Variants in CLDN16 observed in about 807,000 individuals in gnomAD.
CLDN16 encodes claudin-16.
CLDN16 carries 13 observed loss-of-function variants against 24.6 expected under a neutral mutation model. The ratio of observed to expected loss-of-function variants is 0.53; its 90% CI spans 0.34 to 0.84. The LOEUF (loss-of-function observed/expected upper bound fraction) is 0.84. Ranked by LOEUF, CLDN16 falls within the 40% of genes least tolerant of loss-of-function variation. The pLI is 0.01. For missense variants in CLDN16, 298 were observed against 292.7 expected, an observed-to-expected ratio of 1.02 and a Z score of -0.13; for synonymous variants, 116 against 106.7, an observed-to-expected ratio of 1.09 and a Z score of -0.54.
rs1577395706 is a variant in CLDN16 at position 190,326,355 on chromosome 3, A to G, written n.121+3694A>G. On this transcript the variant is annotated intron_variant and non_coding_transcript_variant, in intron 1 of 4. Coordinates refer to the CLDN16 transcript ENST00000468220. ...CTGTTACAGTCCCACTGAATGTCAT[A>G]GTTAAATCGTAGTGAAAAGATACGC... Among the ~76,000 whole-genome samples the G allele has an allele frequency of 2.6e-5, 4 of 152,330 alleles. No individual in the cohort carries two copies. In the South Asian group the frequency reaches 6.2e-4, roughly 24 times the overall value.
intron 1 of CLDN16, among the ~76,000 whole-genome samples, chr3:190,346,636 T>C (rs1717555913): frequency 6.6e-6 from 1 of 152,172 alleles, no homozygotes; most frequent in Non-Finnish European, 1.5e-5. Context: ...TCTCTCATTT[T>C]TCTGGAGCCC....
chr3:190,400,715 G>A (rs1218971793), intron 1 of CLDN16, among the ~76,000 whole-genome samples: 2 of 151,394 alleles, frequency 1.3e-5, no homozygotes, highest in African/African-American at 4.9e-5. Context: ...TTTACCCATT[G>A]CTCTGTGGTT....
the CLDN16 span, chr3:190,308,497 A>G: frequency 4.0e-6 from 6 of 1,516,578 alleles, no homozygotes; most frequent in Admixed American, 1.8e-5. Context: ...CTTTTCTAAT[A>G]TAATAAAAGG....
chr3:190,407,238 A>G (rs547837824), intron 3 of CLDN16, among the ~76,000 whole-genome samples: 44 of 152,284 alleles, frequency 2.9e-4, no homozygotes, highest in Non-Finnish European at 6.2e-4. Flanking sequence ...CTGGAAAGTA[A>G]TCTGAAGAGA....
chr3:190,383,870 T>C (rs1220561595), upstream of CLDN16, among the ~76,000 whole-genome samples: 3 of 152,242 alleles, frequency 2.0e-5, no homozygotes, highest in Non-Finnish European at 4.4e-5. Context: ...AGCAAACTTA[T>C]AAAAATCATA....
At chr3:190,353,833 A>G (rs1717715137) in intron 1 of CLDN16, among the ~76,000 whole-genome samples, 1 of 151,972 alleles carries the variant, frequency 6.6e-6, no homozygotes, top group Non-Finnish European at 1.5e-5. Context: ...CCTTCAACTC[A>G]TGGTTTCTGT....
chr3:190,326,989 C>G (rs1402034048), intron 1 of CLDN16, among the ~76,000 whole-genome samples: 2 of 152,062 alleles, frequency 1.3e-5, no homozygotes, highest in African/African-American at 4.8e-5. Flanking sequence ...ATGACACTAG[C>G]TTTATTAGTG....
intron 3 of CLDN16, 129 bp downstream of exon 3, chr3:190,405,055 T>A: frequency 1.1e-6 from 1 of 892,500 alleles, no homozygotes; most frequent in Non-Finnish European, 1.8e-6. Flanking sequence ...ATTGAAAAAC[T>A]AAAGGTCACT....
intron 3 of CLDN16, among the ~76,000 whole-genome samples, chr3:190,376,427 C>T (rs1212137713): frequency 6.6e-6 from 1 of 151,626 alleles, no homozygotes; most frequent in Non-Finnish European, 1.5e-5. Flanking sequence ...GAGCTGAGAA[C>T]TTGGTGGGAG....
chr3:190,298,454 CTT>C, the CLDN16 span, among the ~76,000 whole-genome samples: 1 of 139,750 alleles, frequency 7.2e-6, no homozygotes, highest in Non-Finnish European at 1.5e-5. Context: ...CTGGGAGTTG[CTT>C]TTTTTTTTTT....
Position 190,388,488 on chromosome 3 carries a change from T to C in CLDN16, c.114+45T>C, listed in dbSNP as rs563081774. The C allele has an allele frequency of 2.9e-5, 45 of 1,571,194 alleles. No homozygotes were observed. The South Asian group carries it at 4.9e-4, about 17-fold the overall frequency. On this transcript the variant is annotated intron_variant, in intron 1 of 4. Transcript: ENST00000264734. Reference sequence around the variant, plus strand: ...TTTTCATGATCCAGGCCAGCCCAAATTTTCGCTAAGTCCCAACTGCCATGT... The same window carrying C: ...TTTTCATGATCCAGGCCAGCCCAAACTTTCGCTAAGTCCCAACTGCCATGT...
rs559625032 is a variant in CLDN16 at position 190,330,046 on chromosome 3, C to A, written n.121+7385C>A. On this transcript the variant is annotated intron_variant and non_coding_transcript_variant, in intron 1 of 4. Transcript: ENST00000468220. ...AGAAATATCTCAACCGTCCCCCCTCCACCAGCATCACTTAATCATATACAT... is the reference window on the plus strand; with the variant it reads ...AGAAATATCTCAACCGTCCCCCCTCAACCAGCATCACTTAATCATATACAT... 1.5e-3 allele frequency among the ~76,000 whole-genome samples: 210 copies of A among 141,892 alleles called. 1 individual carries two copies. The highest frequency in any genetic ancestry group is 4.0e-3 in the African/African-American group (162 of 40,060). The allele number at this position is 141,892 out of a possible 152,430, so 93.1% of individuals were successfully genotyped here. A position where few individuals can be genotyped will look rare whatever the true frequency, so the allele number is the denominator to read the frequency against.
chr3:190,401,845 C>A (rs1054210812), intron 1 of CLDN16, among the ~76,000 whole-genome samples: 1 of 151,700 alleles, frequency 6.6e-6, no homozygotes, highest in African/African-American at 2.4e-5. Context: ...TATTTATAAA[C>A]TTCATATATA....
At chr3:190,403,771 T>C (rs969606475) in intron 2 of CLDN16, among the ~76,000 whole-genome samples, 1 of 152,192 alleles carries the variant, frequency 6.6e-6, no homozygotes, top group Non-Finnish European at 1.5e-5. Flanking sequence ...TTAAAAAGGA[T>C]TTTCTTAATT....
At chr3:190,302,778 A>G in the CLDN16 span, among the ~76,000 whole-genome samples, 1 of 115,220 alleles carries the variant, frequency 8.7e-6, no homozygotes, top group Middle Eastern at 4.6e-3. Flanking sequence ...TCTCAAAAAA[A>G]AATATATATA....
At chr3:190,405,061 T>C (rs368435777) in intron 3 of CLDN16, 135 bp downstream of exon 3, 6 of 854,992 alleles carry the variant, frequency 7.0e-6, no homozygotes. Flanking sequence ...AAACTAAAGG[T>C]CACTTCTACC....
the CLDN16 span, among the ~76,000 whole-genome samples, chr3:190,309,927 A>G: frequency 6.6e-6 from 1 of 152,216 alleles, no homozygotes; most frequent in East Asian, 1.9e-4. Context: ...CCAGTTATAC[A>G]GTTGAAAAGC....
At chr3:190,319,745 C>A (rs1348765923), upstream of CLDN16, among the ~76,000 whole-genome samples, 1 of 152,208 alleles carries the variant, frequency 6.6e-6, no homozygotes, top group African/African-American at 2.4e-5. Context: ...TAAATATACA[C>A]ACATAACCCT....
At chr3:190,309,131 T>A in the CLDN16 span, among the ~76,000 whole-genome samples, 1 of 152,184 alleles carries the variant, frequency 6.6e-6, no homozygotes, top group Non-Finnish European at 1.5e-5. Flanking sequence ...CAACTTCACC[T>A]CTCAGCCTCA....
Sources: gnomAD v4.1 joint callset for allele counts (sites outside exome capture counted in the v4.1 genomes callset) on GRCh38, gnomAD v4.1.1 for gene constraint, MANE v1.5 for transcripts, NCBI Gene and HGNC (gene_info 2026-07-23, HGNC 2026-07-21) for gene names.